Variants in DPPA4 observed in about 807,000 individuals in gnomAD.
The protein encoded by DPPA4 is developmental pluripotency associated 4, also known as developmental pluripotency-associated protein 4.
Under a neutral mutation model 33.7 loss-of-function variants are expected in DPPA4, and 22 were observed. The observed-to-expected ratio is 0.65, with a 90% CI of 0.47 to 0.93. The LOEUF (loss-of-function observed/expected upper bound fraction) is 0.93, where lower values mean the gene tolerates loss of function less well. Ranked by LOEUF, DPPA4 falls within the 40% of genes least tolerant of loss-of-function variation. The probability of loss-of-function intolerance (pLI) is 0.00; values close to 1 mark genes in which losing one functional copy is unlikely to be tolerated. For synonymous variants in DPPA4, 156 were observed against 132.3 expected, an observed-to-expected ratio of 1.18 and a Z score of -1.23; for missense variants, 340 against 358.6, an observed-to-expected ratio of 0.95 and a Z score of 0.42.
In DPPA4 at chr3:109,331,849, C is replaced by T. The variant is rs377670885; in HGVS notation, c.339+22G>A. On this transcript the variant is annotated intron_variant, in intron 3 of 6. Transcript: ENST00000335658. ...TTCCTACCCTTCCTCCCAGCAGCACCGTCCCCAGCCTGGGACCTCACCTGG... is the reference window on the plus strand; with the variant it reads ...TTCCTACCCTTCCTCCCAGCAGCACTGTCCCCAGCCTGGGACCTCACCTGG... The T allele has an allele frequency of 6.6e-5, 107 of 1,613,474 alleles. No homozygotes were observed. The African/African-American group carries it at 8.4e-4, about 13-fold the overall frequency.
Position 109,334,331 on chromosome 3 carries a change from G to A in DPPA4, c.55-338C>T, listed in dbSNP as rs80196363. On this transcript the variant is annotated intron_variant, in intron 1 of 6. Transcript: ENST00000335658. ...GGAGGCCTAGGCAAGAGGATTGCTT[G>A]AGTCCAGTAACTGGATACCAGCCTG... is the stretch of plus-strand genomic sequence containing the variant. Among the ~76,000 whole-genome samples the A allele has an allele frequency of 6.4e-3, 974 of 152,288 alleles. 49 individuals are homozygous for A. In the East Asian group the frequency reaches 0.11, roughly 17 times the overall value.
At chr3:109,330,205 G>A (rs1235099772) in intron 5 of DPPA4, 3 of 334,478 alleles carry the variant, frequency 9.0e-6, no homozygotes, top group Non-Finnish European at 5.8e-6. Flanking sequence ...GGAAGGCTGA[G>A]GCAGGAGAAT....
upstream of DPPA4, among the ~76,000 whole-genome samples, chr3:109,338,293 A>T (rs1708251992): frequency 6.6e-6 from 1 of 152,218 alleles, no homozygotes; most frequent in Non-Finnish European, 1.5e-5. Flanking sequence ...CCCATTTTAT[A>T]TATGACTAAA....
At chr3:109,335,478 T>C (rs1440817092) in intron 1 of DPPA4, among the ~76,000 whole-genome samples, 2 of 152,110 alleles carry the variant, frequency 1.3e-5, no homozygotes, top group African/African-American at 4.8e-5. Context: ...ACCCCGGCTG[T>C]AGTGCAGTGG....
chr3:109,328,818 G>A, intron 6 of DPPA4, 72 bp downstream of exon 6: 2 of 1,339,030 alleles, frequency 1.5e-6, no homozygotes, highest in South Asian at 2.8e-5. Context: ...TAAGATTAAT[G>A]TATATCTTAA....
intron 2 of DPPA4, 84 bp from the exon 3 acceptor site, chr3:109,332,115 T>C: frequency 7.6e-7 from 1 of 1,317,728 alleles, no homozygotes; most frequent in South Asian, 1.5e-5. Context: ...TTTTTTTTTC[T>C]TTTTTGAGAC....
At chr3:109,329,236 C>T (rs1364447755) in intron 5 of DPPA4, 148 bp from the exon 6 acceptor site, 4 of 720,892 alleles carry the variant, frequency 5.5e-6, no homozygotes, top group Non-Finnish European at 9.3e-6. Context: ...ATTCTGTTCT[C>T]CTTTAGAAAA....
intron 5 of DPPA4, 95 bp from the exon 6 acceptor site, chr3:109,329,183 C>A: frequency 9.4e-7 from 1 of 1,067,414 alleles, no homozygotes; most frequent in Non-Finnish European, 1.4e-6. Flanking sequence ...GATTGACCAG[C>A]TCCAAGATGT....
chr3:109,327,693 C>G lies in DPPA4; in HGVS notation c.*295G>C. ...AAAATACAACAAAAAAAAGCTGCTG[C>G]TGAAGTCATGTCTATTTTAGAAAAG... is the stretch of plus-strand genomic sequence containing the variant. On this transcript the variant is annotated 3_prime_UTR_variant, in exon 7 of 7. Transcript: ENST00000335658. 3.6e-6 allele frequency: 1 copy of G among 275,492 alleles called. No homozygotes were observed. Among genetic ancestry groups the G allele is most frequent in the South Asian group, 7.4e-5 (1 of 13,440 alleles). 17.1% of individuals were successfully genotyped at this position (275,492 alleles called of 1,614,324 possible).
chr3:109,330,060 G>C (rs1371262311), intron 5 of DPPA4: 3 of 192,704 alleles, frequency 1.6e-5, no homozygotes, highest in African/African-American at 7.2e-5. Flanking sequence ...CCAGCACTTT[G>C]GGAGGCCAAG....
intron 1 of DPPA4, among the ~76,000 whole-genome samples, chr3:109,335,458 T>C (rs541172328): frequency 6.6e-6 from 1 of 152,310 alleles, no homozygotes; most frequent in African/African-American, 2.4e-5. Context: ...GAGAGGAGTC[T>C]CGCTCTGTCA....
At chr3:109,337,327 A>C in intron 1 of DPPA4, 137 bp downstream of exon 1, 1 of 726,396 alleles carries the variant, frequency 1.4e-6, no homozygotes, top group South Asian at 1.8e-5. Flanking sequence ...CCTTACTCTT[A>C]AAATAAAAAA....
Position 109,330,617 on chromosome 3 carries a change from T to G in DPPA4, c.586A>C (p.Thr196Pro). The change falls in exon 5 of 7, where the codon ACT becomes CCT. Residue 196 changes from threonine (T) to proline (P), a missense_variant. Physicochemically the swap from Thr to Pro is conservative, Grantham distance 38. Transcript: ENST00000335658. ...GCCAGCAAAGCCTCTGGGGCAGAAG[T>G]TGTCACCACAACTGTATTAACTCCC... Reference protein sequence around the residue: ...LEGVNTVVVTTSAPEALLASW... With the variant: ...LEGVNTVVVTPSAPEALLASW... 6.2e-7 allele frequency: 1 copy of G among 1,614,116 alleles called. No homozygotes were observed. The highest frequency in any genetic ancestry group is 1.3e-5 in the African/African-American group (1 of 75,024).
chr3:109,328,967 T>G lies in DPPA4; in HGVS notation c.801A>C (p.Ala267=), dbSNP rs1576833681. Residue 267 remains alanine, a synonymous_variant, in exon 6 of 7, where the codon GCA becomes GCC. Coordinates refer to ENST00000335658, the MANE Select transcript of DPPA4 (RefSeq NM_018189.4). ...AATTGGAGGCAGGAAGCAAGAAGAGTGCACTCACTCTCCCTTCTTGCTTTT... is the reference window on the plus strand; with the variant it reads ...AATTGGAGGCAGGAAGCAAGAAGAGGGCACTCACTCTCCCTTCTTGCTTTT... ...VPEKQEGRVS[A]LFLLPASNFP... is the part of the protein sequence containing the mutation. 6 of 1,613,522 alleles carry G rather than the reference T, an allele frequency of 3.7e-6. No individual in the cohort carries two copies. The highest frequency in any genetic ancestry group is 5.1e-6 in the Non-Finnish European group (6 of 1,179,854).
intron 2 of DPPA4, 91 bp downstream of exon 2, chr3:109,333,779 A>C: frequency 1.3e-6 from 2 of 1,482,192 alleles, no homozygotes; most frequent in Admixed American, 3.7e-5. Flanking sequence ...TACATGATGG[A>C]AATTTCTTCC....
intron 2 of DPPA4, 93 bp from the exon 3 acceptor site, chr3:109,332,124 A>G: frequency 8.1e-7 from 1 of 1,238,572 alleles, no homozygotes; most frequent in East Asian, 2.4e-5. Flanking sequence ...CTTTTTTGAG[A>G]CAGAATCTTG....
upstream of DPPA4, chr3:109,337,672 T>C: frequency 1.5e-6 from 1 of 667,688 alleles, no homozygotes; most frequent in Non-Finnish European, 2.7e-6. Context: ...AATTGCATTC[T>C]TTCTTATTCA....
At chr3:109,329,237 CT>C (rs1708001947) in intron 5 of DPPA4, 149 bp from the exon 6 acceptor site, 1 of 719,494 alleles carries the variant, frequency 1.4e-6, no homozygotes, top group South Asian at 1.9e-5. Flanking sequence ...TTCTGTTCTC[CT>C]TTAGAAAAGC....
chr3:109,332,134 G>C (rs1281424565), intron 2 of DPPA4, 103 bp from the exon 3 acceptor site: 14 of 1,042,976 alleles, frequency 1.3e-5, no homozygotes, highest in Admixed American at 2.4e-5. Flanking sequence ...ACAGAATCTT[G>C]CTCTGTCGCC....
Sources: allele counts gnomAD v4.1 joint callset (sites outside exome capture counted in the v4.1 genomes callset), GRCh38; gene constraint gnomAD v4.1.1; transcripts MANE v1.5; gene names NCBI Gene and HGNC (gene_info 2026-07-23, HGNC 2026-07-21).